Variants in ANKRD17 observed in about 807,000 individuals in gnomAD.
ANKRD17 encodes the protein ankyrin repeat domain-containing protein 17.
ANKRD17 carries 19 observed loss-of-function variants against 229.7 expected under a neutral mutation model. The observed-to-expected ratio is 0.08, with a 90% CI of 0.06 to 0.12. The LOEUF (loss-of-function observed/expected upper bound fraction) is 0.12. Among genes scored for constraint, ANKRD17 ranks in the 10% least tolerant of loss-of-function variants. The pLI is 1.00. For missense variants in ANKRD17, 2,176 were observed against 3,176.8 expected, an observed-to-expected ratio of 0.68 and a Z score of 7.57; for synonymous variants, 1,112 against 1,146.1, an observed-to-expected ratio of 0.97 and a Z score of 0.60.
chr4:73,172,971 C>A lies in ANKRD17; in HGVS notation c.547+4409G>T, dbSNP rs1191652329. ...AAGTCTTCACTTATCAGTAACAACA[C>A]TGAATGTAAATGGACTTAAAGGACT... On this transcript the variant is annotated intron_variant, in intron 2 of 33. Coordinates refer to ENST00000358602, the MANE Select transcript of ANKRD17 (RefSeq NM_032217.5). Among the ~76,000 whole-genome samples, 7 of 152,222 alleles carry A rather than the reference C, an allele frequency of 4.6e-5. No individual in the cohort carries two copies. In the East Asian group the frequency reaches 1.4e-3, roughly 29 times the overall value.
intron 1 of ANKRD17, among the ~76,000 whole-genome samples, chr4:73,179,466 A>ATGTGTGTGTG (rs55769249): frequency 0.017 from 1,010 of 60,634 alleles, 24 homozygotes; most frequent in African/African-American, 0.023. Flanking sequence ...ATATGTATAT[A>ATGTGTGTGTG]TGTGTGTGTG....
chr4:73,203,758 CAAAAAAAAA>C (rs67020753), intron 1 of ANKRD17, among the ~76,000 whole-genome samples: 1 of 82,144 alleles, frequency 1.2e-5, no homozygotes, highest in African/African-American at 5.1e-5. Context: ...GACTCCGTCT[CAAAAAAAAA>C]AAAAAAAAAA....
intron 7 of ANKRD17, 58 bp from the exon 8 acceptor site, chr4:73,149,108 T>A (rs1730658462): frequency 1.4e-6 from 2 of 1,408,632 alleles, no homozygotes; most frequent in East Asian, 4.8e-5. Context: ...TCTTGAAAAA[T>A]TTGAAGACTT....
chr4:73,121,790 C>T, intron 18 of ANKRD17, 31 bp from the exon 19 acceptor site: 2 of 1,557,868 alleles, frequency 1.3e-6, no homozygotes, highest in South Asian at 2.5e-5. Context: ...AATATGTTTT[C>T]TTATGGAGAG....
In ANKRD17 at chr4:73,226,303, C is replaced by G. The variant is rs572289898; in HGVS notation, c.393+31973G>C. On this transcript the variant is annotated intron_variant, in intron 1 of 33. Transcript: ENST00000358602. ...TTTTTTGATTAAATGAACAAATTCA[C>G]AGATAAGAGAATTGTCTGATATCCA... 1.3e-4 allele frequency among the ~76,000 whole-genome samples: 20 copies of G among 149,872 alleles called. No homozygotes were observed. The South Asian group carries it at 2.1e-3, about 16-fold the overall frequency.
chr4:73,229,390 G>A (rs1257678128), intron 1 of ANKRD17, among the ~76,000 whole-genome samples: 2 of 152,064 alleles, frequency 1.3e-5, no homozygotes, highest in Non-Finnish European at 2.9e-5. Context: ...CAAATATAAA[G>A]TGTTACTGAC....
chr4:73,118,937 A>T, intron 21 of ANKRD17, 87 bp from the exon 22 acceptor site: 1 of 1,365,510 alleles, frequency 7.3e-7, no homozygotes, highest in East Asian at 2.4e-5. Flanking sequence ...CACAGGCTGG[A>T]GTGCAGTGGT....
chr4:73,103,279 T>C (rs1016990842), intron 24 of ANKRD17, among the ~76,000 whole-genome samples: 1 of 151,980 alleles, frequency 6.6e-6, no homozygotes, highest in African/African-American at 2.4e-5. Flanking sequence ...GTGCATCGAT[T>C]TGTATAAATA....
At chr4:73,151,667 AT>A in intron 6 of ANKRD17, 143 bp from the exon 7 acceptor site, 1 of 547,070 alleles carries the variant, frequency 1.8e-6, no homozygotes, top group Non-Finnish European at 3.0e-6. Context: ...GCCACCCTCA[AT>A]TGTAGAACAC....
chr4:73,231,888 G>T (rs528581562), intron 1 of ANKRD17, among the ~76,000 whole-genome samples: 2 of 152,202 alleles, frequency 1.3e-5, no homozygotes, highest in Non-Finnish European at 2.9e-5. Context: ...AGGACAGGGC[G>T]TGAAGGGCTT....
chr4:73,174,144 A>AGG (rs1243935657), intron 2 of ANKRD17, among the ~76,000 whole-genome samples: 1 of 151,696 alleles, frequency 6.6e-6, no homozygotes, highest in Non-Finnish European at 1.5e-5. Flanking sequence ...GAAGGAAGAA[A>AGG]ACTACAGATC....
chr4:73,196,921 C>T (rs1019297282), intron 1 of ANKRD17, among the ~76,000 whole-genome samples: 1 of 151,914 alleles, frequency 6.6e-6, no homozygotes, highest in Non-Finnish European at 1.5e-5. Flanking sequence ...ATTATTTGAG[C>T]TTTATTAAGT....
chr4:73,177,011 T>C (rs1015758380), intron 2 of ANKRD17, among the ~76,000 whole-genome samples: 7 of 152,222 alleles, frequency 4.6e-5, no homozygotes, highest in Non-Finnish European at 1.0e-4. Flanking sequence ...GGAGCATGCA[T>C]GTAGGGTGAT....
At chr4:73,244,065 T>A in intron 1 of ANKRD17, among the ~76,000 whole-genome samples, 1 of 152,106 alleles carries the variant, frequency 6.6e-6, no homozygotes, top group Non-Finnish European at 1.5e-5. Flanking sequence ...TCTTGCTGTA[T>A]CCCCACATGG....
intron 2 of ANKRD17, chr4:73,169,212 A>T (rs982519257): frequency 6.6e-6 from 1 of 151,932 alleles, no homozygotes; most frequent in African/African-American, 2.4e-5. Context: ...CAGCAGTAAA[A>T]CTCATGCCTG....
chr4:73,126,376 AAC>A (rs961867630), intron 16 of ANKRD17, among the ~76,000 whole-genome samples: 11 of 152,100 alleles, frequency 7.2e-5, no homozygotes, highest in African/African-American at 2.7e-4. Context: ...AAGACCTCAA[AAC>A]ACACAGGATG....
At chr4:73,099,220 C>G (rs538554756) in intron 25 of ANKRD17, 1 of 589,514 alleles carries the variant, frequency 1.7e-6, no homozygotes, top group East Asian at 3.7e-5. Flanking sequence ...CCGCTCCCAC[C>G]GCCCCCGCCC....
At chr4:73,104,541 T>G (rs192980207) in intron 24 of ANKRD17, among the ~76,000 whole-genome samples, 1 of 152,324 alleles carries the variant, frequency 6.6e-6, no homozygotes, top group Non-Finnish European at 1.5e-5. Context: ...TAAGTCTCTC[T>G]ACTTCAGGAT....
chr4:73,152,587 C>T (rs573526634), intron 6 of ANKRD17, among the ~76,000 whole-genome samples: 12 of 152,252 alleles, frequency 7.9e-5, no homozygotes, highest in African/African-American at 2.9e-4. Context: ...CAAGCCCCAA[C>T]CTCAGATCCC....
Sources: gnomAD v4.1 joint callset for allele counts (sites outside exome capture counted in the v4.1 genomes callset) on GRCh38, gnomAD v4.1.1 for gene constraint, MANE v1.5 for transcripts, NCBI Gene and HGNC (gene_info 2026-07-23, HGNC 2026-07-21) for gene names.